The following DENND5A variants were observed in gnomAD, a reference collection of about 807,000 sequenced individuals.
DENND5A encodes the protein DENN domain-containing protein 5A.
In DENND5A, 64 loss-of-function variants were observed where a neutral mutation model predicts 140.3. The observed-to-expected ratio is 0.46, with a 90% CI of 0.37 to 0.56. The LOEUF (loss-of-function observed/expected upper bound fraction) is 0.56. DENND5A is among the 20% of genes least tolerant of loss of function. DENND5A has a pLI of 0.00. For missense variants in DENND5A, 1,292 were observed against 1,593.8 expected (o/e 0.81, Z 3.22); for synonymous variants, 605 against 607.7 (o/e 1.00, Z 0.07).
chr11:9,162,863 A>C (rs1590220604), intron 11 of DENND5A, among the ~76,000 whole-genome samples: 1 of 136,900 alleles, frequency 7.3e-6, no homozygotes, highest in African/African-American at 2.7e-5. Context: ...TTCTTTTGTG[A>C]TTTTTTTTTT....
At chr11:9,211,837 C>T (rs953851854) in intron 1 of DENND5A, among the ~76,000 whole-genome samples, 1 of 146,928 alleles carries the variant, frequency 6.8e-6, no homozygotes, top group African/African-American at 2.5e-5. Flanking sequence ...GAGGCTGAGG[C>T]AGAAGAATCT....
chr11:9,214,873 G>A (rs1387588320), intron 1 of DENND5A, among the ~76,000 whole-genome samples: 1 of 152,108 alleles, frequency 6.6e-6, no homozygotes, highest in African/African-American at 2.4e-5. Context: ...ACAGGCGCCT[G>A]CCATCACCCT....
At chr11:9,190,596 T>G (rs113963919) in intron 5 of DENND5A, among the ~76,000 whole-genome samples, 1 of 152,182 alleles carries the variant, frequency 6.6e-6, no homozygotes, top group Non-Finnish European at 1.5e-5. Context: ...TCTAAGTCCA[T>G]TAAACCTCTT....
Position 9,178,261 on chromosome 11 carries a change from C to T in DENND5A, c.1777G>A (p.Asp593Asn). The change falls in exon 8 of 23, where the codon GAT (aspartate) becomes AAT (asparagine). Residue 593 changes from aspartate (D) to asparagine (N), a missense_variant. Physicochemically the swap from Asp to Asn is conservative, Grantham distance 23. Around this residue, in one of 4 missense-constraint regions of DENND5A, gnomAD observed 199 missense variants for 189.1 expected, o/e 1.05. Transcript: ENST00000328194. ...AGTACAGGGTCTTTATCATCATCAT[C>T]ATGACACATTATTTTGTTGTCAATG... ...SFIDNKIMCH[D>N]DDDKDPVLRV... 6.2e-7 allele frequency: 1 copy of T among 1,613,672 alleles called. No homozygotes were observed. The highest frequency in any genetic ancestry group is 8.5e-7 in the Non-Finnish European group (1 of 1,179,584).
chr11:9,194,663 A>G (rs1330374983), intron 4 of DENND5A, among the ~76,000 whole-genome samples: 1 of 151,990 alleles, frequency 6.6e-6, no homozygotes, highest in African/African-American at 2.4e-5. Context: ...ATCATAGCCT[A>G]AAGGGAAGGC....
chr11:9,260,113 T>C (rs1852131874), intron 1 of DENND5A, among the ~76,000 whole-genome samples: 1 of 151,462 alleles, frequency 6.6e-6, no homozygotes. Flanking sequence ...ACTGGCCAGT[T>C]TCCCATCTAT....
chr11:9,203,717 C>T lies in DENND5A; in HGVS notation c.892G>A (p.Val298Met). ...EVFELLGVEN[V>M]FQLFTCALLE... Reference sequence around the variant, plus strand: ...AGGGCACAAGTAAAAAGCTGAAACACATTCTCCACCCCGAGCAGTTCAAAA... The same window carrying T: ...AGGGCACAAGTAAAAAGCTGAAACATATTCTCCACCCCGAGCAGTTCAAAA... The change falls in exon 4 of 23, where the codon GTG becomes ATG. Residue 298 changes from valine (V) to methionine (M), a missense_variant. Transcript: ENST00000328194. The T allele has an allele frequency of 6.2e-7, 1 of 1,614,146 alleles. No individual in the cohort carries two copies. The highest frequency in any genetic ancestry group is 8.5e-7 in the Non-Finnish European group (1 of 1,180,018).
At chr11:9,163,118 T>C (rs1016243109) in intron 11 of DENND5A, among the ~76,000 whole-genome samples, 37 of 152,208 alleles carry the variant, frequency 2.4e-4, no homozygotes, top group African/African-American at 8.7e-4. Context: ...CACCACAATA[T>C]ACTTATTAAT....
intron 1 of DENND5A, among the ~76,000 whole-genome samples, chr11:9,235,973 G>T (rs1223740972): frequency 6.6e-6 from 1 of 152,142 alleles, no homozygotes; most frequent in East Asian, 1.9e-4. Flanking sequence ...AGGTGCAGTG[G>T]CTCATACCTG....
chr11:9,250,766 T>C (rs1181476954), intron 1 of DENND5A, among the ~76,000 whole-genome samples: 2 of 152,220 alleles, frequency 1.3e-5, no homozygotes, highest in African/African-American at 2.4e-5. Context: ...TTTCTAGCTC[T>C]GACATTTTTT....
rs185483628 is a variant in DENND5A, at chr11:9,254,682, C to T, written c.109+10279G>A. Reference sequence around the variant, plus strand: ...GATGAAAATTAAGTGTAGTCCACATCGACTCCCAGTTTGAAACTGGCTCAT... The same window carrying T: ...GATGAAAATTAAGTGTAGTCCACATTGACTCCCAGTTTGAAACTGGCTCAT... On this transcript the variant is annotated intron_variant, in intron 1 of 22. Coordinates refer to ENST00000328194, the MANE Select transcript of DENND5A (RefSeq NM_015213.4). 3.0e-3 allele frequency among the ~76,000 whole-genome samples: 455 copies of T among 152,214 alleles called. 2 individuals are homozygous for T. The highest frequency in any genetic ancestry group is 5.0e-3 in the Non-Finnish European group (339 of 68,002).
At position 9,142,079 on chromosome 11, in the gene DENND5A, C is replaced by G. The variant is rs757754604; in HGVS notation, c.3541G>C (p.Glu1181Gln). 1 of 1,602,316 alleles carries G rather than the reference C, an allele frequency of 6.2e-7. No homozygotes were observed. Among genetic ancestry groups the G allele is most frequent in the Non-Finnish European group, 8.5e-7 (1 of 1,174,502 alleles). ...TCCTCAGGGACTACTTCATTCTTCT[C>G]TAATGTCTCATAATAGGTTTGTGCT... ...EKAQTYYETL[E>Q]KNEVVPEENW... is the part of the protein sequence containing the mutation. Residue 1181 changes from glutamate (E) to glutamine (Q), a missense_variant, in exon 22 of 23, where the codon GAG (glutamate) becomes CAG (glutamine). This residue lies in a region of DENND5A where 498 missense variants were observed against 689.7 expected (regional missense o/e 0.72). Transcript: ENST00000328194.
chr11:9,253,409 A>C (rs778735209), intron 1 of DENND5A, among the ~76,000 whole-genome samples: 38 of 152,276 alleles, frequency 2.5e-4, no homozygotes, highest in Non-Finnish European at 4.4e-4. Flanking sequence ...TTAAAGTAAA[A>C]TCCACTAATT....
At chr11:9,154,640 A>G (rs1243658957) in intron 12 of DENND5A, among the ~76,000 whole-genome samples, 2 of 152,028 alleles carry the variant, frequency 1.3e-5, no homozygotes, top group Non-Finnish European at 2.9e-5. Context: ...TAAACTTAAA[A>G]CCCAACAACT....
intron 1 of DENND5A, among the ~76,000 whole-genome samples, chr11:9,246,818 TAAA>T (rs1275550813): frequency 6.6e-6 from 1 of 152,130 alleles, no homozygotes; most frequent in Non-Finnish European, 1.5e-5. Flanking sequence ...CTACAACCCA[TAAA>T]CCCCACTTCA....
At chr11:9,223,086 G>T (rs1404551035) in intron 1 of DENND5A, among the ~76,000 whole-genome samples, 1 of 152,200 alleles carries the variant, frequency 6.6e-6, no homozygotes, top group East Asian at 1.9e-4. Context: ...GCTTGTCTCT[G>T]AAAGTTAAAA....
At chr11:9,163,512 G>C (rs531921736) in intron 11 of DENND5A, among the ~76,000 whole-genome samples, 1 of 152,088 alleles carries the variant, frequency 6.6e-6, no homozygotes, top group Admixed American at 6.6e-5. Context: ...TAAGAATTTT[G>C]ACAGTCCAGG....
rs1485655086 is a variant in DENND5A, at chr11:9,232,024, A to G, written c.110-24392T>C. Among the ~76,000 whole-genome samples the G allele has an allele frequency of 2.0e-5, 3 of 152,124 alleles. No individual in the cohort carries two copies. In the East Asian group the frequency reaches 5.8e-4, roughly 29 times the overall value. On this transcript the variant is annotated intron_variant, in intron 1 of 22. Coordinates refer to ENST00000328194, the MANE Select transcript of DENND5A (RefSeq NM_015213.4). The stretch of plus-strand genomic sequence containing the variant: ...ACTTGCAGAATGCTGAAAAACGGCC[A>G]AGAAAAAAAAATGGGGAAGCTTTTT...
chr11:9,218,471 C>T (rs970445936), intron 1 of DENND5A, among the ~76,000 whole-genome samples: 1 of 152,054 alleles, frequency 6.6e-6, no homozygotes, highest in Non-Finnish European at 1.5e-5. Context: ...GATGCAGTGG[C>T]TCCCAGCTCT....
Sources: gnomAD v4.1 joint callset for allele counts (sites outside exome capture counted in the v4.1 genomes callset) on GRCh38, gnomAD v4.1.1 for gene constraint, gnomAD v4.1.1 regional missense constraint, MANE v1.5 for transcripts, NCBI Gene and HGNC (gene_info 2026-07-23, HGNC 2026-07-21) for gene names.